LMTK3: variants seen among roughly 807,000 people sequenced by gnomAD.
The protein encoded by LMTK3 is serine/threonine-protein kinase LMTK3.
In LMTK3, 27 loss-of-function variants were observed where a neutral mutation model predicts 116.7. The observed-to-expected ratio is 0.23, with a 90% CI of 0.17 to 0.32. LMTK3 has a LOEUF of 0.32. Among genes scored for constraint, LMTK3 ranks in the 10% least tolerant of loss-of-function variants. LMTK3 has a pLI of 1.00. For synonymous variants in LMTK3, 965 were observed against 971.0 expected (o/e 0.99, Z 0.11); for missense variants, 1,764 against 2,068.5 (o/e 0.85, Z 2.86).
Position 48,485,813 on chromosome 19 carries a change from A to G in LMTK3, c.4367-24T>C, listed in dbSNP as rs759776256. 1.9e-6 allele frequency: 3 copies of G among 1,603,220 alleles called. No individual in the cohort carries two copies. The South Asian group carries it at 3.3e-5, about 18-fold the overall frequency. On this transcript the variant is annotated intron_variant, in intron 14 of 14. Transcript: ENST00000600059. ...GCCTGAGGATGGACAGAGGAGACAG[A>G]GAAATGAAATTACTAGGGGGACAGC...
intron 14 of LMTK3, among the ~76,000 whole-genome samples, chr19:48,489,681 A>G (rs1461239244): frequency 6.6e-6 from 1 of 152,220 alleles, no homozygotes; most frequent in Non-Finnish European, 1.5e-5. Flanking sequence ...TCCCTCAGCA[A>G]TCTCATGAGT....
Position 48,499,721 on chromosome 19 carries a change from G to C in LMTK3, c.1348C>G (p.Pro450Ala). The stretch of plus-strand genomic sequence containing the variant: ...GGGAAGCCATCCAGTAGGGGGAACG[G>C]TGAGGAGAGGGTCCCCGGGCGGGGC... ...SAPRPGTLSSPFPLLDGFPGA... is the reference protein window; with the variant it reads ...SAPRPGTLSSAFPLLDGFPGA... Residue 450 changes from proline (P) to alanine (A), a missense_variant, in exon 11 of 15, where the codon CCG (proline) becomes GCG (alanine). Pro to Ala is a conservative substitution (Grantham distance 27). Transcript: ENST00000600059. 3 of 1,529,680 alleles carry C rather than the reference G, an allele frequency of 2.0e-6. No homozygotes were observed. The highest frequency in any genetic ancestry group is 2.6e-6 in the Non-Finnish European group (3 of 1,136,346). 94.8% of individuals were successfully genotyped at this position (1,529,680 alleles called of 1,614,324 possible).
intron 7 of LMTK3, among the ~76,000 whole-genome samples, chr19:48,502,156 C>G (rs996228907): frequency 1.4e-5 from 2 of 140,724 alleles, no homozygotes; most frequent in Non-Finnish European, 3.1e-5. Flanking sequence ...TGACCCCTCC[C>G]CCTCCCCTGG....
chr19:48,511,591 C>A lies in LMTK3; in HGVS notation c.-15G>T. 1 of 1,113,460 alleles carries A rather than the reference C, an allele frequency of 9.0e-7. No homozygotes were observed. The highest frequency in any genetic ancestry group is 1.2e-6 in the Non-Finnish European group (1 of 863,316). 69.0% of individuals were successfully genotyped at this position (1,113,460 alleles called of 1,614,324 possible). ...GGGGCAGGCATCTTGTCGAGGATGG[C>A]AGGGAGGTGGAGGTGGTGGCGGCTG... On this transcript the variant is annotated 5_prime_UTR_variant, in exon 1 of 15. Coordinates refer to ENST00000600059, the MANE Select transcript of LMTK3 (RefSeq NM_001388485.1).
rs1466142059 is a variant in LMTK3, at chr19:48,510,495, G to A, written c.174C>T (p.Thr58=). ...CATCGCCCCGTTTGCAGCACAGACA[G>A]GTGAGGAGGAGGAAGATGAAGGCCA... ...GLLAFIFLLL[T]CLCCKRGDVG... Residue 58 remains threonine (T), a synonymous_variant, in exon 2 of 15, where the codon ACC becomes ACT. Transcript: ENST00000600059. 2 of 1,597,656 alleles carry A rather than the reference G, an allele frequency of 1.3e-6. No individual in the cohort carries two copies. Among genetic ancestry groups the A allele is most frequent in the Admixed American group, 3.5e-5 (2 of 57,314 alleles).
Position 48,497,416 on chromosome 19 carries a change from T to C in LMTK3, c.3653A>G (p.Gln1218Arg). The C allele has an allele frequency of 6.5e-7, 1 of 1,534,884 alleles. No individual in the cohort carries two copies. The stretch of plus-strand genomic sequence containing the variant: ...ACCTTTGATCTGCTCGCTGTTCCCC[T>C]GAGGGGGTCCCAAGTCCAAGAATAG... Reference protein sequence around the residue: ...PRLFLDLGPPQGNSEQIKARL... With the variant: ...PRLFLDLGPPRGNSEQIKARL... The change falls in exon 11 of 15, where the codon CAG (glutamine) becomes CGG (arginine). Residue 1218 changes from glutamine (Q) to arginine (R), a missense_variant. Physicochemically the swap from Gln to Arg is conservative, Grantham distance 43. Around this residue, in one of 7 missense-constraint regions of LMTK3, gnomAD observed 39 missense variants for 75.4 expected, o/e 0.52. Transcript: ENST00000600059. The surrounding 1 kb of genome is among the most constrained non-coding windows in gnomAD (Gnocchi z 5.7).
At position 48,491,367 on chromosome 19, in the gene LMTK3, C is replaced by G; in HGVS notation, c.4228+37G>C. 8.4e-7 allele frequency: 1 copy of G among 1,193,240 alleles called. No individual in the cohort carries two copies. The highest frequency in any genetic ancestry group is 1.8e-5 in the South Asian group (1 of 54,062). 73.9% of individuals were successfully genotyped at this position (1,193,240 alleles called of 1,614,324 possible). ...AGACCCCGCCCCGTCCGCCCCATGG[C>G]TCCCGCCCCCTCCCGCCCCATAGGG... On this transcript the variant is annotated intron_variant, in intron 13 of 14. Transcript: ENST00000600059. This position sits in a 1 kb window ranked among gnomAD's most constrained non-coding sequence, Gnocchi z 5.1.
In LMTK3 at chr19:48,491,097, G is replaced by C. The variant is rs768516285; in HGVS notation, c.4366+11C>G. ...TGGGCAGAGGAGGGGGCAGGGCCGA[G>C]GATATGGTACCTGCGGGCCGGGCGT... is the stretch of plus-strand genomic sequence containing the variant. On this transcript the variant is annotated intron_variant, in intron 14 of 14. Transcript: ENST00000600059. This position sits in a 1 kb window ranked among gnomAD's most constrained non-coding sequence, Gnocchi z 5.1. 1 of 1,361,898 alleles carries C rather than the reference G, an allele frequency of 7.3e-7. No individual in the cohort carries two copies. Among genetic ancestry groups the C allele is most frequent in the South Asian group, 1.9e-5 (1 of 53,006 alleles). 84.4% of individuals were successfully genotyped at this position (1,361,898 alleles called of 1,614,324 possible). A position where few individuals can be genotyped will look rare whatever the true frequency, so the allele number is the denominator to read the frequency against.
At chr19:48,503,478 A>AC (rs1479170637) in intron 5 of LMTK3, among the ~76,000 whole-genome samples, 1 of 150,346 alleles carries the variant, frequency 6.7e-6, no homozygotes, top group Non-Finnish European at 1.5e-5. Flanking sequence ...GTCCCCAGGG[A>AC]CCCCTTTACC....
rs747002498 is a variant in LMTK3, at chr19:48,498,044, G to C, written c.3025C>G (p.Leu1009Val). 1.9e-6 allele frequency: 3 copies of C among 1,612,744 alleles called. No individual in the cohort carries two copies. Among genetic ancestry groups the C allele is most frequent in the African/African-American group, 2.7e-5 (2 of 74,900 alleles). ...SEDKVSENGGLRFPRNTERPP... is the reference protein window; with the variant it reads ...SEDKVSENGGVRFPRNTERPP... ...CTCTCCGTGTTCCTGGGGAATCTCA[G>C]GCCCCCATTCTCTGACACCTTGTCC... Residue 1009 changes from leucine to valine, a missense_variant, in exon 11 of 15, where the codon CTG becomes GTG. This residue lies in a region of LMTK3 where 1,028 missense variants were observed against 1,050.6 expected (regional missense o/e 0.98). Transcript: ENST00000600059.
At chr19:48,510,673 C>A (rs775963297) in intron 1 of LMTK3, 81 bp from the exon 2 acceptor site, 19 of 1,427,268 alleles carry the variant, frequency 1.3e-5, no homozygotes, top group Non-Finnish European at 1.7e-5. Flanking sequence ...CCCGGCACGT[C>A]TTGGACTACA....
At position 48,502,418 on chromosome 19, in the gene LMTK3, C is replaced by A. The variant is rs770577996; in HGVS notation, c.794+15G>T. ...CCCCTTAGTAGCTCCTCCCGCGGCT[C>A]CCCGGCCCGCCCACCTGTGCACGTA... On this transcript the variant is annotated intron_variant, in intron 7 of 14. Transcript: ENST00000600059. 7 of 1,607,678 alleles carry A rather than the reference C, an allele frequency of 4.4e-6. No homozygotes were observed. The Admixed American group carries it at 1.0e-4, about 23-fold the overall frequency.
At chr19:48,502,855 C>T in intron 6 of LMTK3, 54 bp downstream of exon 6, 1 of 1,355,158 alleles carries the variant, frequency 7.4e-7, no homozygotes. Context: ...AGGCTTGGCC[C>T]CGGCCTTGTC....
At position 48,498,275 on chromosome 19, in the gene LMTK3, C is replaced by G; in HGVS notation, c.2794G>C (p.Gly932Arg). ...TCGATGCCTGGGGCTCTCTGGTCCC[C>G]GTTCTCCAGCACTGTCACCCCGTTC... is the stretch of plus-strand genomic sequence containing the variant. The part of the protein sequence containing the change: ...PVNGVTVLEN[G>R]DQRAPGIEEK... Residue 932 changes from glycine to arginine, a missense_variant, in exon 11 of 15, where the codon GGG (glycine) becomes CGG (arginine). Gly to Arg is a moderately radical substitution (Grantham distance 125). Transcript: ENST00000600059. The G allele has an allele frequency of 9.9e-6, 16 of 1,613,422 alleles. No individual in the cohort carries two copies. The highest frequency in any genetic ancestry group is 1.3e-5 in the African/African-American group (1 of 74,950).
intron 12 of LMTK3, 85 bp downstream of exon 12, chr19:48,493,609 G>T: frequency 2.3e-6 from 3 of 1,288,870 alleles, no homozygotes; most frequent in South Asian, 1.4e-5. Flanking sequence ...CTCTAAGCTC[G>T]GCCTCCCGCC....
At chr19:48,513,218 A>G, upstream of LMTK3, 1 of 1,510,862 alleles carries the variant, frequency 6.6e-7, no homozygotes, top group Non-Finnish European at 9.1e-7. This position sits in a 1 kb window ranked among gnomAD's most constrained non-coding sequence, Gnocchi z 5.6. Flanking sequence ...TAGTTTATTT[A>G]ATGTATTTAT....
rs1374532928 is a variant in LMTK3, at chr19:48,499,804, G to A, written c.1265C>T (p.Pro422Leu). ...LSERPPRPPP[P>L]PPPPRDGPFP... ...GGGACCGTCTCGGGGTGGGGGTGGC[G>A]GCGGTGGGGGCCGGGGAGGCCGCTC... The change falls in exon 11 of 15, where the codon CCG becomes CTG. Residue 422 changes from proline to leucine, a missense_variant. By Grantham distance (98) the Pro-to-Leu change is moderately conservative (BLOSUM62 -3). Around this residue, in one of 7 missense-constraint regions of LMTK3, gnomAD observed 63 missense variants for 65.0 expected, o/e 0.97. Coordinates refer to ENST00000600059, the MANE Select transcript of LMTK3 (RefSeq NM_001388485.1). 2 of 1,546,940 alleles carry A rather than the reference G, an allele frequency of 1.3e-6. No individual in the cohort carries two copies. The highest frequency in any genetic ancestry group is 8.7e-7 in the Non-Finnish European group (1 of 1,145,892).
Position 48,498,349 on chromosome 19 carries a change from G to T in LMTK3, c.2720C>A (p.Pro907Gln). 6.2e-7 allele frequency: 1 copy of T among 1,612,958 alleles called. No individual in the cohort carries two copies. Among genetic ancestry groups the T allele is most frequent in the Non-Finnish European group, 8.5e-7 (1 of 1,179,704 alleles). Reference protein sequence around the residue: ...REKVPGLNRDPTVLGNGKQAP... With the variant: ...REKVPGLNRDQTVLGNGKQAP... ...TTGTTTCCCGTTGCCCAGGACTGTCGGGTCCCTGTTCAGGCCCGGGACTTT... is the reference window on the plus strand; with the variant it reads ...TTGTTTCCCGTTGCCCAGGACTGTCTGGTCCCTGTTCAGGCCCGGGACTTT... Residue 907 changes from proline (P) to glutamine (Q), a missense_variant, in exon 11 of 15, where the codon CCG (proline) becomes CAG (glutamine). This residue lies in a region of LMTK3 where 1,028 missense variants were observed against 1,050.6 expected (regional missense o/e 0.98). Transcript: ENST00000600059.
chr19:48,513,189 T>C, upstream of LMTK3: 1 of 1,593,294 alleles, frequency 6.3e-7, no homozygotes, highest in Non-Finnish European at 8.6e-7. The surrounding 1 kb of genome is among the most constrained non-coding windows in gnomAD (Gnocchi z 5.6). Context: ...ACTTGCCTCA[T>C]ACAAAAGATA....
Sources: allele counts gnomAD v4.1 joint callset (sites outside exome capture counted in the v4.1 genomes callset), GRCh38; gene constraint gnomAD v4.1.1; regional missense constraint gnomAD v4.1.1; non-coding constraint Gnocchi (gnomAD v3.1); transcripts MANE v1.5; gene names NCBI Gene and HGNC (gene_info 2026-07-23, HGNC 2026-07-21).